Variants in SEMA3D observed in about 807,000 individuals in gnomAD.
The protein encoded by SEMA3D is semaphorin-3D.
A neutral mutation model predicts 100.1 loss-of-function variants in SEMA3D; 84 were observed. That is an observed-to-expected ratio of 0.84 (90% CI 0.70 to 1.01). SEMA3D has a LOEUF of 1.01. Ranked by LOEUF, SEMA3D falls within the 50% of genes least tolerant of loss-of-function variation. The probability of loss-of-function intolerance (pLI) is 0.00; values close to 1 mark genes in which losing one functional copy is unlikely to be tolerated. For synonymous variants in SEMA3D, 312 were observed against 320.7 expected, an observed-to-expected ratio of 0.97 and a Z score of 0.29; for missense variants, 875 against 934.1, an observed-to-expected ratio of 0.94 and a Z score of 0.82.
chr7:85,209,160 T>TA, the SEMA3D span, among the ~76,000 whole-genome samples: 410 of 152,170 alleles, frequency 2.7e-3, 3 homozygotes, highest in Non-Finnish European at 4.6e-3. Flanking sequence ...TAACTACTGA[T>TA]ATGATTTATG....
chr7:85,130,070 G>A (rs1426100413), intron 2 of SEMA3D, among the ~76,000 whole-genome samples: 1 of 151,920 alleles, frequency 6.6e-6, no homozygotes, highest in Non-Finnish European at 1.5e-5. Context: ...AACACCCTAG[G>A]GAAATAGGAT....
chr7:85,006,284 T>C (rs567689031), intron 18 of SEMA3D, among the ~76,000 whole-genome samples: 24 of 152,140 alleles, frequency 1.6e-4, no homozygotes, highest in Non-Finnish European at 1.9e-4. Context: ...ACTCAAGATA[T>C]GCAGTTCTGA....
the SEMA3D span, among the ~76,000 whole-genome samples, chr7:85,223,994 A>C: frequency 6.6e-6 from 1 of 152,306 alleles, no homozygotes; most frequent in Non-Finnish European, 1.5e-5. Flanking sequence ...CAGGAAAAAC[A>C]AACTGGAAAC....
chr7:85,124,853 C>T (rs1206751157), intron 2 of SEMA3D, among the ~76,000 whole-genome samples: 2 of 152,230 alleles, frequency 1.3e-5, no homozygotes, highest in Admixed American at 6.6e-5. Context: ...GTACCTAATA[C>T]ATTAGGACTC....
the SEMA3D span, among the ~76,000 whole-genome samples, chr7:85,238,852 C>T: frequency 5.9e-5 from 9 of 152,018 alleles, no homozygotes; most frequent in African/African-American, 2.2e-4. Flanking sequence ...TTTATTTTGT[C>T]CTTCTTTTGT....
At chr7:85,146,361 C>G (rs1227424280) in intron 2 of SEMA3D, among the ~76,000 whole-genome samples, 1 of 151,808 alleles carries the variant, frequency 6.6e-6, no homozygotes, top group Non-Finnish European at 1.5e-5. Flanking sequence ...TCCAGAGCAG[C>G]CTGGCCAACA....
intron 3 of SEMA3D, among the ~76,000 whole-genome samples, chr7:85,117,790 A>G (rs1562824677): frequency 6.7e-6 from 1 of 148,778 alleles, no homozygotes; most frequent in East Asian, 1.9e-4. Context: ...GTATGTATGT[A>G]TGTATGTATG....
intron 2 of SEMA3D, chr7:85,143,339 T>A: frequency 2.9e-6 from 1 of 345,862 alleles, no homozygotes; most frequent in Non-Finnish European, 4.1e-6. Context: ...TATGTTCTGA[T>A]AAATTTGTCA....
At chr7:85,126,406 T>TGTGTGTGTGTC (rs1789570336) in intron 2 of SEMA3D, among the ~76,000 whole-genome samples, 22 of 124,516 alleles carry the variant, frequency 1.8e-4, no homozygotes, top group Admixed American at 1.6e-3. Context: ...GTGTGTGTCG[T>TGTGTGTGTGTC]GTGTGTGTGT....
In SEMA3D at chr7:85,081,554, C is replaced by T. The variant is rs201113218; in HGVS notation, c.338G>A (p.Arg113Gln). The change falls in exon 5 of 19, where the codon CGG becomes CAG. Residue 113 changes from arginine to glutamine, a missense_variant. Coordinates refer to ENST00000284136, the MANE Select transcript of SEMA3D (RefSeq NM_001384900.1). ...KKIYWPAAKERVELCKLAGKD... is the reference protein window; with the variant it reads ...KKIYWPAAKEQVELCKLAGKD... ...CCCAGCTAATTTACATAATTCCACC[C>T]GTTCCTTTGCAGCAGGCCAATAAAT... 3.2e-5 allele frequency: 52 copies of T among 1,612,046 alleles called. No individual in the cohort carries two copies. The highest frequency in any genetic ancestry group is 4.0e-5 in the African/African-American group (3 of 74,982).
In SEMA3D at chr7:85,065,461, G is replaced by A; in HGVS notation, c.681C>T (p.Tyr227=). The A allele has an allele frequency of 6.2e-7, 1 of 1,613,396 alleles. No homozygotes were observed. The highest frequency in any genetic ancestry group is 1.1e-5 in the South Asian group (1 of 91,064). The part of the protein sequence containing the change: ...RSLGPTHDHH[Y]IRTDISEHYW... ...AGTGCTCTGAAATGTCAGTTCTGATGTAGTGGTGGTCATGAGTAGGCCCAA... is the reference window on the plus strand; with the variant it reads ...AGTGCTCTGAAATGTCAGTTCTGATATAGTGGTGGTCATGAGTAGGCCCAA... Residue 227 remains tyrosine (Y), a synonymous_variant, in exon 8 of 19, where the codon TAC becomes TAT. Transcript: ENST00000284136.
At chr7:85,091,117 AGAAG>A (rs1562813997) in intron 4 of SEMA3D, among the ~76,000 whole-genome samples, 3 of 140,654 alleles carry the variant, frequency 2.1e-5, no homozygotes, top group Non-Finnish European at 3.1e-5. Flanking sequence ...AGGGAGGGAA[AGAAG>A]GAAGGAAGGA....
At chr7:85,132,946 T>C (rs1328042897) in intron 2 of SEMA3D, among the ~76,000 whole-genome samples, 3 of 151,964 alleles carry the variant, frequency 2.0e-5, no homozygotes, top group Non-Finnish European at 4.4e-5. Flanking sequence ...TGGACTAATA[T>C]ATTCGTGTTC....
intron 1 of SEMA3D, among the ~76,000 whole-genome samples, chr7:85,154,094 C>T (rs1056039090): frequency 2.0e-5 from 3 of 152,030 alleles, no homozygotes; most frequent in African/African-American, 7.2e-5. Context: ...ATAAAATCAA[C>T]CATTACAGAA....
Position 85,065,539 on chromosome 7 carries a change from G to A in SEMA3D, c.603C>T (p.Tyr201=), listed in dbSNP as rs1230279994. 2.5e-6 allele frequency: 4 copies of A among 1,613,020 alleles called. No individual in the cohort carries two copies. Among genetic ancestry groups the A allele is most frequent in the Non-Finnish European group, 3.4e-6 (4 of 1,179,136 alleles). ...CAAGGAAATCAGAAGCTGTTCCAGA[G>A]TAGAGGTACTCATCTGAGAGGGAGA... ...FASVMTDEYL[Y]SGTASDFLGK... Residue 201 remains tyrosine (Y), a synonymous_variant, in exon 8 of 19, where the codon TAC becomes TAT. Coordinates refer to ENST00000284136, the MANE Select transcript of SEMA3D (RefSeq NM_001384900.1).
intron 4 of SEMA3D, among the ~76,000 whole-genome samples, chr7:85,092,018 G>T (rs1374955023): frequency 6.6e-6 from 1 of 151,958 alleles, no homozygotes; most frequent in Non-Finnish European, 1.5e-5. Context: ...ATAGACAATA[G>T]ACTCTTTTCT....
At chr7:85,030,452 G>A (rs560918655) in intron 12 of SEMA3D, among the ~76,000 whole-genome samples, 3 of 144,460 alleles carry the variant, frequency 2.1e-5, no homozygotes, top group Admixed American at 6.7e-5. Context: ...AACATTTAAC[G>A]CGGTAACAAT....
At chr7:85,168,279 C>T (rs1212992214) in intron 1 of SEMA3D, among the ~76,000 whole-genome samples, 1 of 151,824 alleles carries the variant, frequency 6.6e-6, no homozygotes, top group Middle Eastern at 3.2e-3. Context: ...AAAGTTTCAT[C>T]CTTTCTACAG....
intron 12 of SEMA3D, among the ~76,000 whole-genome samples, chr7:85,036,344 T>C (rs1415607497): frequency 2.0e-5 from 3 of 152,130 alleles, no homozygotes; most frequent in Non-Finnish European, 4.4e-5. Flanking sequence ...ACATGATTCA[T>C]ACTATTTGAA....
Sources: allele counts gnomAD v4.1 joint callset (sites outside exome capture counted in the v4.1 genomes callset), GRCh38; gene constraint gnomAD v4.1.1; transcripts MANE v1.5; gene names NCBI Gene and HGNC (gene_info 2026-07-23, HGNC 2026-07-21).